RCAN1: variants seen among roughly 807,000 people sequenced by gnomAD.
RCAN1 encodes calcipressin-1.
Under a neutral mutation model 22.9 loss-of-function variants are expected in RCAN1, and 11 were observed. The observed-to-expected ratio is 0.48, with a 90% confidence interval of 0.30 to 0.79. RCAN1 has a LOEUF of 0.79. RCAN1 is among the 30% of genes least tolerant of loss of function. The probability of loss-of-function intolerance (pLI) is 0.06; values close to 1 mark genes in which losing one functional copy is unlikely to be tolerated. For synonymous variants in RCAN1, 136 were observed against 142.3 expected (o/e 0.96, Z 0.32); for missense variants, 291 against 337.8 (o/e 0.86, Z 1.09).
intron 1 of RCAN1, chr21:34,524,044 TG>T (rs1984819429): frequency 5.6e-6 from 1 of 177,936 alleles, no homozygotes; most frequent in African/African-American, 2.4e-5. Context: ...CCCAAAGTGC[TG>T]GGATTACAGG....
chr21:34,522,588 G>A (rs1329796640), intron 2 of RCAN1: 1 of 152,150 alleles, frequency 6.6e-6, no homozygotes, highest in Non-Finnish European at 1.5e-5. Context: ...GGCCCAGCAA[G>A]TTCGCTGTCC....
In RCAN1 at chr21:34,529,978, G is replaced by C. The variant is rs535822751; in HGVS notation, c.253-6268C>G. On this transcript the variant is annotated intron_variant, in intron 1 of 3. Transcript: ENST00000313806. Reference sequence around the variant, plus strand: ...CCCTTGCTGCCGCCATGTAAGAAGTGTCTTTCACCTCCCGCCGTGATTCTG... The same window carrying C: ...CCCTTGCTGCCGCCATGTAAGAAGTCTCTTTCACCTCCCGCCGTGATTCTG... 8.3e-4 allele frequency among the ~76,000 whole-genome samples: 126 copies of C among 152,314 alleles called. No individual in the cohort carries two copies. In the South Asian group the frequency reaches 0.013, roughly 16 times the overall value.
chr21:34,549,113 T>A (rs1986260117), intron 1 of RCAN1, among the ~76,000 whole-genome samples: 1 of 152,108 alleles, frequency 6.6e-6, no homozygotes, highest in African/African-American at 2.4e-5. Context: ...CTCTTCACTG[T>A]CTCCATCCCA....
intron 1 of RCAN1, among the ~76,000 whole-genome samples, chr21:34,608,771 C>T (rs1427134581): frequency 6.6e-6 from 1 of 152,200 alleles, no homozygotes; most frequent in Non-Finnish European, 1.5e-5. Flanking sequence ...CAGACCCAAT[C>T]ACTCTGACAG....
chr21:34,570,294 T>A (rs1987189420), intron 1 of RCAN1, among the ~76,000 whole-genome samples: 2 of 152,118 alleles, frequency 1.3e-5, no homozygotes, highest in African/African-American at 2.4e-5. Flanking sequence ...AGTAAGGGAA[T>A]AATAATTAAG....
intron 1 of RCAN1, among the ~76,000 whole-genome samples, chr21:34,567,522 C>T (rs897228658): frequency 6.0e-5 from 9 of 149,872 alleles, no homozygotes; most frequent in Non-Finnish European, 8.9e-5. Flanking sequence ...GCCACTGCAC[C>T]CCAGCCTGGA....
intron 1 of RCAN1, among the ~76,000 whole-genome samples, chr21:34,547,839 C>A (rs1986208338): frequency 6.6e-6 from 1 of 152,200 alleles, no homozygotes; most frequent in Non-Finnish European, 1.5e-5. Context: ...GCTTCCAGAA[C>A]CGCAAACCAA....
At chr21:34,587,132 T>G (rs949623043) in intron 1 of RCAN1, among the ~76,000 whole-genome samples, 3 of 152,088 alleles carry the variant, frequency 2.0e-5, no homozygotes, top group Non-Finnish European at 2.9e-5. Flanking sequence ...AAAGGAAACA[T>G]AACTACAGGT....
chr21:34,540,374 G>A (rs533592809), intron 1 of RCAN1, among the ~76,000 whole-genome samples: 1 of 152,292 alleles, frequency 6.6e-6, no homozygotes, highest in Admixed American at 6.5e-5. Flanking sequence ...CACCTACACT[G>A]AGCAGATTCT....
rs570942678 is a variant in RCAN1 at position 34,540,484 on chromosome 21, G to A, written c.253-16774C>T. Among the ~76,000 whole-genome samples, 181 of 152,154 alleles carry A rather than the reference G, an allele frequency of 1.2e-3. 5 individuals are homozygous for A. The South Asian group carries it at 0.02, about 17-fold the overall frequency. On this transcript the variant is annotated intron_variant, in intron 1 of 3. Transcript: ENST00000313806. ...TTAAAGATCTCCCACGTGACTTCTC[G>A]AACTCCTTGGCTGGGTAAAATTACC...
Position 34,588,660 on chromosome 21 carries a change from A to T in RCAN1, c.252+26100T>A, listed in dbSNP as rs555565177. On this transcript the variant is annotated intron_variant, in intron 1 of 3. Coordinates refer to ENST00000313806, the MANE Select transcript of RCAN1 (RefSeq NM_004414.7). The stretch of plus-strand genomic sequence containing the variant: ...AAATTGAAAATAGAATTACCACATG[A>T]TCCAGCAATTCCACCTCTGTGTATG... Among the ~76,000 whole-genome samples, 20 of 152,338 alleles carry T rather than the reference A, an allele frequency of 1.3e-4. 1 individual carries two copies. The South Asian group carries it at 4.1e-3, about 32-fold the overall frequency.
chr21:34,554,230 G>A (rs1986472369), intron 1 of RCAN1, among the ~76,000 whole-genome samples: 1 of 152,078 alleles, frequency 6.6e-6, no homozygotes, highest in Non-Finnish European at 1.5e-5. Context: ...GTGTTTCTAT[G>A]GAAAAAATGT....
chr21:34,580,799 A>G (rs997822006), intron 1 of RCAN1, among the ~76,000 whole-genome samples: 2 of 152,186 alleles, frequency 1.3e-5, no homozygotes, highest in African/African-American at 4.8e-5. Context: ...TTGCACGAAG[A>G]AGGGACCCAA....
intron 1 of RCAN1, among the ~76,000 whole-genome samples, chr21:34,587,569 A>C (rs925769994): frequency 6.6e-6 from 1 of 152,228 alleles, no homozygotes; most frequent in Non-Finnish European, 1.5e-5. Context: ...CCAGAGTCAT[A>C]AAAAAGAATA....
At position 34,614,376 on chromosome 21, in the gene RCAN1, C is replaced by T. The variant is rs1178020873; in HGVS notation, c.252+384G>A. 1.0e-6 allele frequency: 1 copy of T among 992,934 alleles called. No homozygotes were observed. The highest frequency in any genetic ancestry group is 1.2e-6 in the Non-Finnish European group (1 of 835,096). 61.5% of individuals were successfully genotyped at this position (992,934 alleles called of 1,614,324 possible). A position where few individuals can be genotyped will look rare whatever the true frequency, so the allele number is the denominator to read the frequency against. On this transcript the variant is annotated intron_variant, in intron 1 of 3. Transcript: ENST00000313806. The surrounding 1 kb of genome is among the most constrained non-coding windows in gnomAD (Gnocchi z 6.0). ...CACGTCGCCGCTCAATGTCTGTTTCCTCCTCCCTAGGAATGAGGTGACCCC... is the reference window on the plus strand; with the variant it reads ...CACGTCGCCGCTCAATGTCTGTTTCTTCCTCCCTAGGAATGAGGTGACCCC...
chr21:34,596,839 G>A (rs192763694), intron 1 of RCAN1, among the ~76,000 whole-genome samples: 9 of 152,296 alleles, frequency 5.9e-5, no homozygotes, highest in Admixed American at 5.9e-4. Flanking sequence ...CAACTGCACA[G>A]CCCTTGGCTG....
At position 34,614,613 on chromosome 21, in the gene RCAN1, TGACGGGTCC is replaced by T; in HGVS notation, c.252+138_252+146del. ...GGGCGCCGTCCCCACGCCCCAGCCCTGACGGGTCCGCGGCCGAGCAGCCCGGGGGACGTC... is the reference window on the plus strand; with the variant it reads ...GGGCGCCGTCCCCACGCCCCAGCCCTGCGGCCGAGCAGCCCGGGGGACGTC... On this transcript the variant is annotated intron_variant, in intron 1 of 3. Transcript: ENST00000313806. This position sits in a 1 kb window ranked among gnomAD's most constrained non-coding sequence, Gnocchi z 6.0. 9.5e-7 allele frequency: 1 copy of T among 1,053,674 alleles called. No individual in the cohort carries two copies. Among genetic ancestry groups the T allele is most frequent in the Non-Finnish European group, 1.2e-6 (1 of 855,222 alleles). 65.3% of individuals were successfully genotyped at this position (1,053,674 alleles called of 1,614,324 possible).
chr21:34,556,910 T>C (rs1036274043), intron 1 of RCAN1, among the ~76,000 whole-genome samples: 2 of 152,198 alleles, frequency 1.3e-5, no homozygotes, highest in African/African-American at 2.4e-5. Flanking sequence ...GACACATTTA[T>C]GGTCCTTTAA....
intron 1 of RCAN1, among the ~76,000 whole-genome samples, chr21:34,585,015 G>A (rs1198867626): frequency 6.6e-6 from 1 of 152,160 alleles, no homozygotes; most frequent in Non-Finnish European, 1.5e-5. Flanking sequence ...CACAAACAGT[G>A]TAGTTTATTA....
Sources: gnomAD v4.1 joint callset for allele counts (sites outside exome capture counted in the v4.1 genomes callset) on GRCh38, gnomAD v4.1.1 for gene constraint, Gnocchi (gnomAD v3.1) non-coding constraint, MANE v1.5 for transcripts, NCBI Gene and HGNC (gene_info 2026-07-23, HGNC 2026-07-21) for gene names.